The following WNK1 variants were observed in gnomAD, a reference collection of about 807,000 sequenced individuals.
The protein encoded by WNK1 is WNK lysine deficient protein kinase 1, also known as serine/threonine-protein kinase WNK1.
In WNK1, 38 loss-of-function variants were observed where a neutral mutation model predicts 222.8. That is an observed-to-expected ratio of 0.17 (90% CI 0.13 to 0.22). The LOEUF is 0.22. WNK1 is among the 10% of genes least tolerant of loss of function. WNK1 has a pLI of 1.00. For synonymous variants in WNK1, 1,090 were observed against 1,092.9 expected, an observed-to-expected ratio of 1.00 and a Z score of 0.05; for missense variants, 2,348 against 2,918.4, an observed-to-expected ratio of 0.80 and a Z score of 4.50.
At chr12:793,359 A>G (rs1945019866) in intron 1 of WNK1, among the ~76,000 whole-genome samples, 1 of 152,210 alleles carries the variant, frequency 6.6e-6, no homozygotes, top group Non-Finnish European at 1.5e-5. Flanking sequence ...AAAAGGAGAA[A>G]ACGTGTTGGT....
In WNK1 at chr12:884,758, A is replaced by T; in HGVS notation, c.3954A>T (p.Gly1318=). The change falls in exon 19 of 28, where the codon GGA becomes GGT. Residue 1318 remains glycine, a synonymous_variant. Transcript: ENST00000315939. The surrounding 1 kb of genome is among the most constrained non-coding windows in gnomAD (Gnocchi z 5.6). The stretch of plus-strand genomic sequence containing the variant: ...TTAGACGTGCCCAAATGACAGAAGG[A>T]CCCAACACAGCACCTCCAAACTTTA... ...SELRRAQMTE[G]PNTAPPNFSH... is the part of the protein sequence containing the mutation. The T allele has an allele frequency of 6.2e-7, 1 of 1,614,152 alleles. No homozygotes were observed. The highest frequency in any genetic ancestry group is 8.5e-7 in the Non-Finnish European group (1 of 1,180,022).
intron 1 of WNK1, among the ~76,000 whole-genome samples, chr12:780,433 G>C (rs1943580699): frequency 1.3e-5 from 2 of 152,324 alleles, no homozygotes; most frequent in South Asian, 4.1e-4. Context: ...TATGGCCACA[G>C]TTAGGCATTC....
chr12:794,035 CT>C (rs1253051888), intron 1 of WNK1, among the ~76,000 whole-genome samples: 1 of 152,046 alleles, frequency 6.6e-6, no homozygotes, highest in African/African-American at 2.4e-5. Context: ...TTGTGACTGG[CT>C]TTTTTCACTC....
intron 4 of WNK1, among the ~76,000 whole-genome samples, chr12:841,730 A>C (rs1949641146): frequency 6.6e-6 from 1 of 152,198 alleles, no homozygotes; most frequent in African/African-American, 2.4e-5. Flanking sequence ...CAGATTTGGT[A>C]TCTAGTGAGG....
In WNK1 at chr12:910,658, C is replaced by CCAA. The variant is rs1291228331; in HGVS notation, c.*1868_*1870dup. ...CTTAGTTGGGAAACTGAAAATATTT[C>CCAA]CAACCTTTTACCCACGTCAATGGCA... On this transcript the variant is annotated 3_prime_UTR_variant, in exon 28 of 28. Coordinates refer to ENST00000315939, the MANE Select transcript of WNK1 (RefSeq NM_018979.4). 1 of 152,248 alleles carries CCAA rather than the reference C, an allele frequency of 6.6e-6. No homozygotes were observed. The highest frequency in any genetic ancestry group is 2.4e-5 in the African/African-American group (1 of 41,404). The allele number at this position is 152,248 out of a possible 1,614,324, so 9.4% of individuals were successfully genotyped here. A position where few individuals can be genotyped will look rare whatever the true frequency, so the allele number is the denominator to read the frequency against.
chr12:831,530 T>C (rs1212375162), intron 4 of WNK1, among the ~76,000 whole-genome samples: 7 of 148,776 alleles, frequency 4.7e-5, no homozygotes, highest in Admixed American at 6.7e-5. Context: ...AGAGTAAGAC[T>C]CTGTCTCAAA....
At chr12:878,450 T>C (rs1952821043) in intron 10 of WNK1, 89 bp downstream of exon 10, 17 of 1,406,542 alleles carry the variant, frequency 1.2e-5, no homozygotes, top group Non-Finnish European at 1.7e-5. Flanking sequence ...TCCTTTCATG[T>C]GGATAGACTT....
chr12:827,593 A>G lies in WNK1; in HGVS notation c.1153+331A>G. On this transcript the variant is annotated intron_variant, in intron 3 of 27. Coordinates refer to ENST00000315939, the MANE Select transcript of WNK1 (RefSeq NM_018979.4). This position sits in a 1 kb window ranked among gnomAD's most constrained non-coding sequence, Gnocchi z 4.6. ...ACCCAGGCTAGAGTGCAGTGGCACA[A>G]TCTCAGCTCACTGCAACCTCCACCC... is the stretch of plus-strand genomic sequence containing the variant. The G allele has an allele frequency of 2.9e-6, 1 of 343,420 alleles. No individual in the cohort carries two copies. The highest frequency in any genetic ancestry group is 4.6e-5 in the South Asian group (1 of 21,854). 21.3% of individuals were successfully genotyped at this position (343,420 alleles called of 1,614,324 possible). A position where few individuals can be genotyped will look rare whatever the true frequency, so the allele number is the denominator to read the frequency against.
In WNK1 at chr12:753,493, C is replaced by G; in HGVS notation, c.-73C>G. 6.3e-7 allele frequency: 1 copy of G among 1,597,218 alleles called. No individual in the cohort carries two copies. The highest frequency in any genetic ancestry group is 8.5e-7 in the Non-Finnish European group (1 of 1,173,220). On this transcript the variant is annotated 5_prime_UTR_variant, in exon 1 of 28. Transcript: ENST00000315939. This position sits in a 1 kb window ranked among gnomAD's most constrained non-coding sequence, Gnocchi z 5.2. ...CCGCGGTTCCCTGCAGACCTCTGCGCGGGCGGCTCGGCCCTTCACGCCCTT... is the reference window on the plus strand; with the variant it reads ...CCGCGGTTCCCTGCAGACCTCTGCGGGGGCGGCTCGGCCCTTCACGCCCTT...
At chr12:859,707 ATTT>A (rs56249691) in intron 6 of WNK1, among the ~76,000 whole-genome samples, 4 of 140,274 alleles carry the variant, frequency 2.9e-5, no homozygotes, top group Non-Finnish European at 4.7e-5. Context: ...TTAAAAGTAA[ATTT>A]TTTTTTTTTT....
chr12:895,397 A>T (rs566831004), intron 23 of WNK1, among the ~76,000 whole-genome samples: 1 of 152,094 alleles, frequency 6.6e-6, no homozygotes, highest in Non-Finnish European at 1.5e-5. Flanking sequence ...CAACCCTAAA[A>T]ATTCTACAAT....
intron 1 of WNK1, among the ~76,000 whole-genome samples, chr12:783,383 C>T (rs1943923107): frequency 1.3e-5 from 2 of 151,904 alleles, no homozygotes; most frequent in Admixed American, 1.3e-4. Flanking sequence ...GGCGTGGTGA[C>T]ACATACATGC....
Position 753,224 on chromosome 12 carries a change from T to G in WNK1, c.-342T>G. The stretch of plus-strand genomic sequence containing the variant: ...GTGCCGGCCCCTGGCCCTCCCCTCA[T>G]GACTGCGGCGCCTCTGCTGCCACCG... On this transcript the variant is annotated 5_prime_UTR_variant, in exon 1 of 28. The change abolishes an upstream ATG in the 5' untranslated region. Coordinates refer to ENST00000315939, the MANE Select transcript of WNK1 (RefSeq NM_018979.4). The surrounding 1 kb of genome is among the most constrained non-coding windows in gnomAD (Gnocchi z 5.2). 2 of 271,314 alleles carry G rather than the reference T, an allele frequency of 7.4e-6. No homozygotes were observed. Among genetic ancestry groups the G allele is most frequent in the Non-Finnish European group, 7.0e-6 (1 of 142,778 alleles). The allele number at this position is 271,314 out of a possible 1,614,324, so 16.8% of individuals were successfully genotyped here. A position where few individuals can be genotyped will look rare whatever the true frequency, so the allele number is the denominator to read the frequency against.
At chr12:891,285 T>C (rs2154090643) in intron 22 of WNK1, among the ~76,000 whole-genome samples, 1 of 152,288 alleles carries the variant, frequency 6.6e-6, no homozygotes, top group South Asian at 2.1e-4. Flanking sequence ...ATTACAGGCA[T>C]GCACCACCAC....
rs1446094915 is a variant in WNK1, at chr12:868,326, G to C, written c.2140-2939G>C. The C allele has an allele frequency of 1.2e-5, 20 of 1,612,960 alleles. No homozygotes were observed. The highest frequency in any genetic ancestry group is 1.7e-5 in the Admixed American group (1 of 59,864). On this transcript the variant is annotated intron_variant, in intron 8 of 27. Coordinates refer to ENST00000315939, the MANE Select transcript of WNK1 (RefSeq NM_018979.4). Reference sequence around the variant, plus strand: ...GCCCGGGTGGCAGAACAGTATGAGGGCATTCCATACAACTCATCAGTACTG... The same window carrying C: ...GCCCGGGTGGCAGAACAGTATGAGGCCATTCCATACAACTCATCAGTACTG...
Position 757,123 on chromosome 12 carries a change from C to T in WNK1, c.759+2799C>T, listed in dbSNP as rs969255841. ...TGGCTGTTGGATTTCTGGAGAAACC[C>T]GGTCCTTATACCCATGGCAAATTTC... On this transcript the variant is annotated intron_variant, in intron 1 of 27. Coordinates refer to ENST00000315939, the MANE Select transcript of WNK1 (RefSeq NM_018979.4). Among the ~76,000 whole-genome samples the T allele has an allele frequency of 4.0e-5, 6 of 149,390 alleles. 1 individual carries two copies. The highest frequency in any genetic ancestry group is 4.2e-4 in the South Asian group (2 of 4,812).
chr12:772,408 T>G (rs1034330352), intron 1 of WNK1, among the ~76,000 whole-genome samples: 2 of 70,980 alleles, frequency 2.8e-5, no homozygotes, highest in African/African-American at 8.0e-5. Context: ...AATTGGGGTG[T>G]GTGTGTGTGT....
chr12:878,824 G>A (rs903969137), intron 10 of WNK1, among the ~76,000 whole-genome samples: 2 of 150,984 alleles, frequency 1.3e-5, no homozygotes, highest in Admixed American at 1.3e-4. Context: ...CACTTGAGAA[G>A]TACCCTGTAG....
rs1431038794 is a variant in WNK1 at position 880,739 on chromosome 12, C to T, written c.2851C>T (p.Pro951Ser). ...GTCACAGGGCTTCCCACCTCGACTG[C>T]CACCACAGTACCCAGGAGATTCAAA... ...VLYQGFPPRL[P>S]PQYPGDSNIA... Residue 951 changes from proline (P) to serine (S), a missense_variant, in exon 12 of 28, where the codon CCA (proline) becomes TCA (serine). This residue lies in a region of WNK1 where 547 missense variants were observed against 558.3 expected (regional missense o/e 0.98). Transcript: ENST00000315939. The T allele has an allele frequency of 2.5e-6, 4 of 1,613,816 alleles. No homozygotes were observed. In the African/African-American group the frequency reaches 4.0e-5, roughly 16 times the overall value.
Sources: allele counts gnomAD v4.1 joint callset (sites outside exome capture counted in the v4.1 genomes callset), GRCh38; gene constraint gnomAD v4.1.1; regional missense constraint gnomAD v4.1.1; non-coding constraint Gnocchi (gnomAD v3.1); transcripts MANE v1.5; gene names NCBI Gene and HGNC (gene_info 2026-07-23, HGNC 2026-07-21).